TMEM38B: variants seen among roughly 807,000 people sequenced by gnomAD.
The protein encoded by TMEM38B is trimeric intracellular cation channel type B.
TMEM38B carries 24 observed loss-of-function variants against 28.7 expected under a neutral mutation model. That is an observed-to-expected ratio of 0.84 (90% CI 0.61 to 1.18). TMEM38B has a LOEUF of 1.18. TMEM38B is among the 50% of genes most tolerant of loss of function. The probability of loss-of-function intolerance (pLI) is 0.00; values close to 1 mark genes in which losing one functional copy is unlikely to be tolerated. For synonymous variants in TMEM38B, 131 were observed against 127.7 expected, an observed-to-expected ratio of 1.03 and a Z score of -0.17; for missense variants, 380 against 350.9, an observed-to-expected ratio of 1.08 and a Z score of -0.66.
chr9:105,759,978 A>G (rs1336822772), intron 5 of TMEM38B: 13 of 1,546,252 alleles, frequency 8.4e-6, no homozygotes, highest in Non-Finnish European at 1.2e-5. Flanking sequence ...GTGAACTCGG[A>G]GAGTCTAGTG....
At chr9:105,713,327 G>T (rs1410554884) in intron 2 of TMEM38B, among the ~76,000 whole-genome samples, 1 of 152,226 alleles carries the variant, frequency 6.6e-6, no homozygotes, top group Non-Finnish European at 1.5e-5. Context: ...CTGCACTCTT[G>T]TGGGGTCTGG....
chr9:105,757,543 C>T (rs1010950617), intron 5 of TMEM38B, among the ~76,000 whole-genome samples: 2 of 150,984 alleles, frequency 1.3e-5, no homozygotes, highest in Non-Finnish European at 1.5e-5. Flanking sequence ...AAAAGTGTTC[C>T]CTTTTCAACA....
At chr9:105,709,994 C>CGCTT (rs1351775297) in intron 2 of TMEM38B, among the ~76,000 whole-genome samples, 11 of 152,124 alleles carry the variant, frequency 7.2e-5, no homozygotes, top group African/African-American at 2.7e-4. Context: ...AATCAATATA[C>CGCTT]GCTTATTCAT....
intron 1 of TMEM38B, chr9:105,701,415 C>G (rs926711852): frequency 1.3e-5 from 2 of 152,162 alleles, no homozygotes; most frequent in Non-Finnish European, 2.9e-5. Context: ...TAACATAGAC[C>G]TGAAGCAAGA....
At chr9:105,760,292 A>C (rs1311355719) in intron 5 of TMEM38B, 1 of 781,604 alleles carries the variant, frequency 1.3e-6, no homozygotes, top group Non-Finnish European at 2.3e-6. Context: ...TGCTGTGCTG[A>C]AAAAGTGGAT....
At chr9:105,715,386 T>C (rs1365627753) in intron 2 of TMEM38B, among the ~76,000 whole-genome samples, 3 of 152,148 alleles carry the variant, frequency 2.0e-5, no homozygotes, top group East Asian at 3.8e-4. Context: ...AAATAAAATA[T>C]CTTGGTGTTC....
In TMEM38B at chr9:105,771,253, T is replaced by G. The variant is rs114635276; in HGVS notation, c.661-2612T>G. Among the ~76,000 whole-genome samples, 434 of 152,308 alleles carry G rather than the reference T, an allele frequency of 2.8e-3. 3 individuals carry two copies. Among genetic ancestry groups the G allele is most frequent in the African/African-American group, 1.0e-2 (414 of 41,584 alleles). ...GTTTTATATTTTATTTGTAAAAGAATAAGGATTTATTCTATTTGTCACAAG... is the reference window on the plus strand; with the variant it reads ...GTTTTATATTTTATTTGTAAAAGAAGAAGGATTTATTCTATTTGTCACAAG... On this transcript the variant is annotated intron_variant, in intron 5 of 5. Coordinates refer to ENST00000374692, the MANE Select transcript of TMEM38B (RefSeq NM_018112.3).
rs1252731404 is a variant in TMEM38B, at chr9:105,718,355, C to T, written c.270-3182C>T. Among the ~76,000 whole-genome samples the T allele has an allele frequency of 2.6e-5, 4 of 152,090 alleles. No homozygotes were observed. The East Asian group carries it at 7.7e-4, about 29-fold the overall frequency. ...CTGGGTTCAAGTGATTCTCCTGCCT[C>T]AGCCTCCCAAGTAGCTGGGATTATA... On this transcript the variant is annotated intron_variant, in intron 2 of 5. Transcript: ENST00000374692.
chr9:105,737,234 TG>T (rs2133600786), intron 4 of TMEM38B, among the ~76,000 whole-genome samples: 1 of 152,244 alleles, frequency 6.6e-6, no homozygotes, highest in East Asian at 1.9e-4. Flanking sequence ...CACAGCAGTT[TG>T]TTCCCATGGG....
chr9:105,766,515 A>G (rs1221307334), intron 5 of TMEM38B, among the ~76,000 whole-genome samples: 1 of 152,100 alleles, frequency 6.6e-6, no homozygotes, highest in African/African-American at 2.4e-5. Flanking sequence ...GGTGAGATAT[A>G]TGTATTGCAA....
At chr9:105,738,745 G>T (rs1403853072) in intron 4 of TMEM38B, among the ~76,000 whole-genome samples, 2 of 126,050 alleles carry the variant, frequency 1.6e-5, no homozygotes, top group Non-Finnish European at 3.1e-5. Flanking sequence ...TTGAGACAAG[G>T]TCTCACTCCG....
intron 5 of TMEM38B, among the ~76,000 whole-genome samples, chr9:105,756,323 A>G (rs1411468218): frequency 1.3e-5 from 2 of 152,152 alleles, no homozygotes; most frequent in African/African-American, 4.8e-5. Context: ...GTTGATAGAA[A>G]TGGAGAGAAT....
rs576279560 is a variant in TMEM38B, at chr9:105,694,620, A to G, written c.-41A>G. 3.4e-5 allele frequency: 53 copies of G among 1,559,204 alleles called. 1 individual carries two copies. In the South Asian group the frequency reaches 4.6e-4, roughly 13 times the overall value. ...CCTCACCGCGCGAGCGCGGGGAACCAGTAGCCGCGGCTGCTTCGGTTGCCG... is the reference window on the plus strand; with the variant it reads ...CCTCACCGCGCGAGCGCGGGGAACCGGTAGCCGCGGCTGCTTCGGTTGCCG... On this transcript the variant is annotated 5_prime_UTR_variant, in exon 1 of 6. Coordinates refer to ENST00000374692, the MANE Select transcript of TMEM38B (RefSeq NM_018112.3).
chr9:105,724,121 C>T (rs1836424506), intron 4 of TMEM38B, among the ~76,000 whole-genome samples: 1 of 152,128 alleles, frequency 6.6e-6, no homozygotes, highest in Non-Finnish European at 1.5e-5. Flanking sequence ...CAGGCTTGAG[C>T]CACTGTGCCT....
intron 4 of TMEM38B, among the ~76,000 whole-genome samples, chr9:105,724,016 A>G (rs904590913): frequency 1.3e-5 from 2 of 151,146 alleles, no homozygotes; most frequent in African/African-American, 4.9e-5. Flanking sequence ...TTGTATTTTT[A>G]GTTGAGATGT....
intron 4 of TMEM38B, among the ~76,000 whole-genome samples, chr9:105,729,754 T>C (rs927746771): frequency 2.6e-5 from 4 of 152,066 alleles, no homozygotes; most frequent in South Asian, 2.1e-4. Context: ...TCTTTTATTT[T>C]GTTGAGCAGT....
intron 2 of TMEM38B, among the ~76,000 whole-genome samples, chr9:105,708,475 A>T (rs995082333): frequency 2.6e-5 from 4 of 152,180 alleles, no homozygotes; most frequent in African/African-American, 9.6e-5. Flanking sequence ...AAGTTAGAAC[A>T]TGTCACTCAT....
intron 5 of TMEM38B, among the ~76,000 whole-genome samples, chr9:105,754,683 C>A (rs1447483683): frequency 3.3e-5 from 5 of 152,064 alleles, no homozygotes; most frequent in Non-Finnish European, 7.4e-5. Flanking sequence ...CTAGAAAGAT[C>A]TCAAGTTAAC....
chr9:105,696,002 T>C (rs1300082005), intron 1 of TMEM38B, among the ~76,000 whole-genome samples: 1 of 152,236 alleles, frequency 6.6e-6, no homozygotes, highest in African/African-American at 2.4e-5. Flanking sequence ...GATGTTCACA[T>C]TGTGGTCCAG....
Sources: allele counts gnomAD v4.1 joint callset (sites outside exome capture counted in the v4.1 genomes callset), GRCh38; gene constraint gnomAD v4.1.1; transcripts MANE v1.5; gene names NCBI Gene and HGNC (gene_info 2026-07-23, HGNC 2026-07-21).